Variants in PLD5 observed in about 807,000 individuals in gnomAD.
PLD5 encodes inactive phospholipase D5.
In PLD5, 36 loss-of-function variants were observed where a neutral mutation model predicts 61.1. That is an observed-to-expected ratio of 0.59 (90% CI 0.45 to 0.78). PLD5 has a LOEUF of 0.78. PLD5 is among the 30% of genes least tolerant of loss of function. The probability of loss-of-function intolerance (pLI) is 0.00; values close to 1 mark genes in which losing one functional copy is unlikely to be tolerated. For missense variants in PLD5, 515 were observed against 644.4 expected (o/e 0.80, Z 2.17); for synonymous variants, 243 against 242.8 (o/e 1.00, Z -0.01).
intron 1 of PLD5, among the ~76,000 whole-genome samples, chr1:242,509,789 G>T (rs1668845713): frequency 6.6e-6 from 1 of 152,174 alleles, no homozygotes; most frequent in South Asian, 2.1e-4. Flanking sequence ...CTCTTGGTGT[G>T]ACCAGGAAGT....
rs71176735 is a variant in PLD5 at position 242,259,307 on chromosome 1, C to CCTCT, written c.607+6026_607+6029dup. Reference sequence around the variant, plus strand: ...CTGGGTGATGGAGCAAGACATCACCCCTCTCTCTCTCTCTCTCTCAAAAAA... The same window carrying CCTCT: ...CTGGGTGATGGAGCAAGACATCACCCCTCTCTCTCTCTCTCTCTCTCTCAAAAAA... On this transcript the variant is annotated intron_variant, in intron 4 of 9. Transcript: ENST00000536534. Among the ~76,000 whole-genome samples, 236 of 145,836 alleles carry CCTCT rather than the reference C, an allele frequency of 1.6e-3. 2 individuals are homozygous for CCTCT. The highest frequency in any genetic ancestry group is 5.2e-3 in the African/African-American group (207 of 39,524).
rs1385998090 is a variant in PLD5, at chr1:242,129,941, GT to G, written c.736-5277del. On this transcript the variant is annotated intron_variant, in intron 5 of 9. Transcript: ENST00000536534. ...GTTTCACTTAAGATAGTGGCCTCCA[GT>G]TCCATCCATGTTGCTATAAAAGACA... is the stretch of plus-strand genomic sequence containing the variant. 3.3e-5 allele frequency among the ~76,000 whole-genome samples: 5 copies of G among 152,090 alleles called. No individual in the cohort carries two copies. In the East Asian group the frequency reaches 9.7e-4, roughly 29 times the overall value.
intron 5 of PLD5, among the ~76,000 whole-genome samples, chr1:242,212,370 A>C (rs377453): frequency 0.042 from 6,392 of 152,290 alleles, 406 homozygotes; most frequent in African/African-American, 0.14. Context: ...TTTAACGCTT[A>C]TTTAAAAATA....
intron 1 of PLD5, among the ~76,000 whole-genome samples, chr1:242,419,329 A>G (rs1462768857): frequency 6.6e-6 from 1 of 151,890 alleles, no homozygotes; most frequent in Non-Finnish European, 1.5e-5. Context: ...TGTAGTTTCA[A>G]GCTGTTCCAT....
chr1:242,515,472 C>G (rs1397903791), intron 1 of PLD5, among the ~76,000 whole-genome samples: 1 of 152,208 alleles, frequency 6.6e-6, no homozygotes, highest in Non-Finnish European at 1.5e-5. Flanking sequence ...CTCGGCCTCC[C>G]AAAGTGCTGG....
chr1:242,203,658 T>A (rs915467747), intron 5 of PLD5: 4 of 152,806 alleles, frequency 2.6e-5, no homozygotes, highest in African/African-American at 9.7e-5. Flanking sequence ...TGCTTCCCCT[T>A]CACCTTCTGC....
chr1:242,338,405 T>C (rs1252111506), intron 2 of PLD5, among the ~76,000 whole-genome samples: 3 of 151,992 alleles, frequency 2.0e-5, no homozygotes, highest in Non-Finnish European at 4.4e-5. Context: ...CTTTCTGTTT[T>C]CAACACTACT....
At chr1:242,431,032 G>A (rs189354492) in intron 1 of PLD5, among the ~76,000 whole-genome samples, 3 of 152,168 alleles carry the variant, frequency 2.0e-5, no homozygotes, top group Admixed American at 6.5e-5. Context: ...CTGACCACAC[G>A]CCTCATGTCC....
intron 1 of PLD5, among the ~76,000 whole-genome samples, chr1:242,407,568 T>G (rs567010596): frequency 9.3e-4 from 138 of 148,658 alleles, no homozygotes; most frequent in African/African-American, 2.9e-3. Context: ...TTTGTTTTTT[T>G]TTTTTTTTTT....
At chr1:242,526,521 C>T (rs563087451), upstream of PLD5, among the ~76,000 whole-genome samples, 44 of 152,244 alleles carry the variant, frequency 2.9e-4, no homozygotes, top group African/African-American at 9.9e-4. Context: ...CTGCAACCTC[C>T]GCCTCCCGGG....
chr1:242,407,239 G>A (rs61247458), intron 1 of PLD5, among the ~76,000 whole-genome samples: 6,204 of 151,508 alleles, frequency 0.041, 434 homozygotes, highest in African/African-American at 0.14. Context: ...TTCATTTTCC[G>A]TCACGATGGT....
At chr1:242,509,919 T>C (rs1025654238) in intron 1 of PLD5, among the ~76,000 whole-genome samples, 1 of 152,174 alleles carries the variant, frequency 6.6e-6, no homozygotes, top group Admixed American at 6.5e-5. Context: ...GAGATAAATG[T>C]ACATTCTTCA....
intron 1 of PLD5, among the ~76,000 whole-genome samples, chr1:242,500,457 A>G (rs1244606743): frequency 6.6e-6 from 1 of 152,244 alleles, no homozygotes. Context: ...ATTTGCTAGG[A>G]TACGGAAAAT....
At chr1:242,469,976 C>T (rs1301970763) in intron 1 of PLD5, among the ~76,000 whole-genome samples, 4 of 152,098 alleles carry the variant, frequency 2.6e-5, no homozygotes, top group African/African-American at 9.7e-5. Context: ...AAAATCATTT[C>T]CCTTCATGAT....
At position 242,087,063 on chromosome 1, in the gene PLD5, A is replaced by G. The variant is rs2148634291; in HGVS notation, c.*2791T>C. On this transcript the variant is annotated 3_prime_UTR_variant, in exon 10 of 10. Coordinates refer to ENST00000536534, the MANE Select transcript of PLD5 (RefSeq NM_001372062.1). The stretch of plus-strand genomic sequence containing the variant: ...AGAAAGGAAAGCCGTCTCTAGAGGG[A>G]TAGCTAAAGCATCCAAATGAAAGAA... 1 of 152,336 alleles carries G rather than the reference A, an allele frequency of 6.6e-6. No individual in the cohort carries two copies. The highest frequency in any genetic ancestry group is 2.4e-5 in the African/African-American group (1 of 41,568). The allele number at this position is 152,336 out of a possible 1,614,324, so 9.4% of individuals were successfully genotyped here. A position where few individuals can be genotyped will look rare whatever the true frequency, so the allele number is the denominator to read the frequency against.
intron 1 of PLD5, among the ~76,000 whole-genome samples, chr1:242,427,772 C>T (rs1665513643): frequency 6.6e-6 from 1 of 152,220 alleles, no homozygotes. Flanking sequence ...TGAAAGATGA[C>T]TTTAACTGCC....
rs367703136 is a variant in PLD5, at chr1:242,268,839, A to AT, written c.496-3392dup. On this transcript the variant is annotated intron_variant, in intron 3 of 9. Transcript: ENST00000536534. ...AATGCTTTCTGAGTTACATTCACTC[A>AT]TTTTTTTTAATTTTAACTTTTGAGA... 2.1e-3 allele frequency among the ~76,000 whole-genome samples: 318 copies of AT among 152,000 alleles called. 2 individuals are homozygous for AT. The highest frequency in any genetic ancestry group is 7.2e-3 in the African/African-American group (298 of 41,452).
At chr1:242,096,430 C>T (rs973893708) in intron 9 of PLD5, among the ~76,000 whole-genome samples, 1 of 152,104 alleles carries the variant, frequency 6.6e-6, no homozygotes, top group African/African-American at 2.4e-5. Context: ...CAACCTCTGC[C>T]TCCTGGACTC....
intron 1 of PLD5, among the ~76,000 whole-genome samples, chr1:242,411,832 A>C (rs1664574950): frequency 6.6e-6 from 1 of 152,128 alleles, no homozygotes; most frequent in African/African-American, 2.4e-5. Flanking sequence ...AGGTTTATTG[A>C]GCCAGCTTGA....
Sources: allele counts gnomAD v4.1 joint callset (sites outside exome capture counted in the v4.1 genomes callset), GRCh38; gene constraint gnomAD v4.1.1; transcripts MANE v1.5; gene names NCBI Gene and HGNC (gene_info 2026-07-23, HGNC 2026-07-21).